Variants in UXS1 observed in about 807,000 individuals in gnomAD.
The protein encoded by UXS1 is UDP-glucuronate decarboxylase 1, also known as UDP-glucuronic acid decarboxylase 1.
UXS1 carries 33 observed loss-of-function variants against 62.6 expected under a neutral mutation model. The ratio of observed to expected loss-of-function variants is 0.53; its 90% confidence interval spans 0.40 to 0.70. The LOEUF is 0.70. Ranked by LOEUF, UXS1 falls within the 30% of genes least tolerant of loss-of-function variation. The pLI is 0.00. For missense variants in UXS1, 434 were observed against 556.3 expected (o/e 0.78, Z 2.21); for synonymous variants, 213 against 206.8 (o/e 1.03, Z -0.26).
At chr2:106,104,685 A>G in intron 11 of UXS1, 109 bp downstream of exon 11, 4 of 1,345,828 alleles carry the variant, frequency 3.0e-6, no homozygotes, top group Non-Finnish European at 4.2e-6. Context: ...ATATAGTGTT[A>G]GCGTTGTGGA....
intron 8 of UXS1, among the ~76,000 whole-genome samples, chr2:106,125,230 C>T (rs921784509): frequency 6.6e-6 from 1 of 152,222 alleles, no homozygotes; most frequent in Non-Finnish European, 1.5e-5. Flanking sequence ...TAAAGGCCAG[C>T]CCATGAGCTC....
intron 4 of UXS1, chr2:106,160,564 G>A (rs1267409103): frequency 6.6e-6 from 1 of 152,324 alleles, no homozygotes; most frequent in Non-Finnish European, 1.5e-5. Context: ...GGAGGCGCAG[G>A]ACTGTGGAGT....
intron 4 of UXS1, among the ~76,000 whole-genome samples, chr2:106,158,418 C>CT (rs1285110904): frequency 2.0e-5 from 3 of 152,212 alleles, no homozygotes; most frequent in African/African-American, 7.2e-5. Context: ...GGCACTACCT[C>CT]TATTAGTCCA....
chr2:106,118,185 C>T (rs1044471856), intron 9 of UXS1, among the ~76,000 whole-genome samples: 1 of 151,154 alleles, frequency 6.6e-6, no homozygotes, highest in Non-Finnish European at 1.5e-5. Context: ...GGGTGTGAGT[C>T]CTAGCCATGG....
intron 5 of UXS1, among the ~76,000 whole-genome samples, chr2:106,155,498 G>A (rs943628749): frequency 6.6e-6 from 1 of 152,198 alleles, no homozygotes; most frequent in African/African-American, 2.4e-5. Context: ...AGTCCTGCAA[G>A]CTCCATTTGT....
intron 1 of UXS1, among the ~76,000 whole-genome samples, chr2:106,186,761 T>C (rs1684583891): frequency 6.6e-6 from 1 of 151,904 alleles, no homozygotes; most frequent in African/African-American, 2.4e-5. Flanking sequence ...GAGGCTGCAG[T>C]GAACTAAGAT....
At chr2:106,096,122 G>C (rs779108763) in intron 14 of UXS1, among the ~76,000 whole-genome samples, 4 of 152,196 alleles carry the variant, frequency 2.6e-5, no homozygotes, top group Non-Finnish European at 5.9e-5. Flanking sequence ...CAGGCAACTG[G>C]GGCTACGCAG....
intron 13 of UXS1, chr2:106,097,681 TAAC>T (rs1677231997): frequency 5.2e-6 from 1 of 193,848 alleles, no homozygotes; most frequent in Non-Finnish European, 1.1e-5. Flanking sequence ...TCTGAATTTC[TAAC>T]ACACATCTGA....
intron 1 of UXS1, among the ~76,000 whole-genome samples, chr2:106,177,568 C>A (rs1054111597): frequency 3.9e-5 from 6 of 152,156 alleles, no homozygotes; most frequent in South Asian, 2.1e-4. Flanking sequence ...GGTAATACGA[C>A]CTTCCTATAC....
chr2:106,174,579 G>A (rs905569463), intron 1 of UXS1, among the ~76,000 whole-genome samples: 1 of 152,232 alleles, frequency 6.6e-6, no homozygotes, highest in African/African-American at 2.4e-5. Flanking sequence ...GAGGGCTGGG[G>A]CTTGAAGGCC....
At chr2:106,156,886 T>C (rs1211130948) in intron 5 of UXS1, among the ~76,000 whole-genome samples, 1 of 152,220 alleles carries the variant, frequency 6.6e-6, no homozygotes, top group Non-Finnish European at 1.5e-5. Flanking sequence ...TAAACTGTGG[T>C]ATATTCATAT....
intron 11 of UXS1, 116 bp from the exon 12 acceptor site, chr2:106,101,234 C>A (rs1677575540): frequency 2.8e-6 from 3 of 1,069,326 alleles, no homozygotes; most frequent in Admixed American, 2.7e-5. Context: ...AACAAAAACC[C>A]AAATGGAAAA....
intron 9 of UXS1, among the ~76,000 whole-genome samples, chr2:106,114,299 A>T (rs919984518): frequency 2.0e-5 from 3 of 152,230 alleles, no homozygotes; most frequent in South Asian, 2.1e-4. Context: ...AATACACTGT[A>T]ATACTTCACG....
At position 106,112,653 on chromosome 2, in the gene UXS1, G is replaced by A. The variant is rs900572295; in HGVS notation, c.872C>T (p.Pro291Leu). 30 of 1,613,940 alleles carry A rather than the reference G, an allele frequency of 1.9e-5. No individual in the cohort carries two copies. Among genetic ancestry groups the A allele is most frequent in the Non-Finnish European group, 2.5e-5 (30 of 1,179,874 alleles). ...GCCGAGGCCAGCACCTACCGTGAGT[G>A]GCTCCCCCTGGAGCGCCTGCAGGAT... ...NFILQALQGE[P>L]LTVYGSGSQT... The change falls in exon 10 of 15, where the codon CCA becomes CTA. Residue 291 changes from proline to leucine, a missense_variant. This residue lies in a region of UXS1 where 209 missense variants were observed against 233.3 expected (regional missense o/e 0.90). Transcript: ENST00000283148.
intron 6 of UXS1, 142 bp from the exon 7 acceptor site, chr2:106,129,920 T>C (rs1680293385): frequency 3.6e-6 from 2 of 552,564 alleles, no homozygotes; most frequent in African/African-American, 2.0e-5. Context: ...TAAACTAATT[T>C]ACATTTGTAA....
chr2:106,157,054 G>A lies in UXS1; in HGVS notation c.291+1004C>T, dbSNP rs1682490635. Among the ~76,000 whole-genome samples, 3 of 152,150 alleles carry A rather than the reference G, an allele frequency of 2.0e-5. No homozygotes were observed. The South Asian group carries it at 6.2e-4, about 31-fold the overall frequency. On this transcript the variant is annotated intron_variant, in intron 5 of 14. Coordinates refer to ENST00000283148, the MANE Select transcript of UXS1 (RefSeq NM_001253875.2). ...TACCCAGAATTGGCAAATCTACATG[G>A]ACAAAAAACAGATTAGTGGTTGCCT...
chr2:106,102,057 T>G (rs995508796), intron 11 of UXS1: 3 of 152,220 alleles, frequency 2.0e-5, no homozygotes, highest in Non-Finnish European at 4.4e-5. Context: ...TGCTTTCAAT[T>G]GAAAAAACCT....
chr2:106,194,063 C>T, intron 1 of UXS1, 85 bp downstream of exon 1: 1 of 1,160,046 alleles, frequency 8.6e-7, no homozygotes, highest in Non-Finnish European at 1.1e-6. Context: ...AGGGCCGCCT[C>T]GGGGCCCCGA....
chr2:106,113,793 G>A (rs935138641), intron 9 of UXS1, among the ~76,000 whole-genome samples: 1 of 152,182 alleles, frequency 6.6e-6, no homozygotes, highest in Non-Finnish European at 1.5e-5. Flanking sequence ...CGCCGTTCCC[G>A]CTCCACCGCT....
Sources: gnomAD v4.1 joint callset for allele counts (sites outside exome capture counted in the v4.1 genomes callset) on GRCh38, gnomAD v4.1.1 for gene constraint, gnomAD v4.1.1 regional missense constraint, MANE v1.5 for transcripts, NCBI Gene and HGNC (gene_info 2026-07-23, HGNC 2026-07-21) for gene names.